Variants in CFAP77 observed in about 807,000 individuals in gnomAD.
The protein encoded by CFAP77 is cilia- and flagella-associated protein 77.
A neutral mutation model predicts 31.1 loss-of-function variants in CFAP77; 25 were observed. The ratio of observed to expected loss-of-function variants is 0.80; its 90% CI spans 0.59 to 1.12. The LOEUF is 1.12. CFAP77 is among the 50% of genes most tolerant of loss of function. CFAP77 has a pLI of 0.00. For missense variants in CFAP77, 377 were observed against 397.3 expected (o/e 0.95, Z 0.44); for synonymous variants, 151 against 159.9 (o/e 0.94, Z 0.42).
In CFAP77 at chr9:132,554,767, G is replaced by A. The variant is rs2119088078; in HGVS notation, c.732+11720G>A. ...TAGAGTTTAAGCTGAGCAAAGCAGA[G>A]ATCTTCAGGGTGCCTGAATCTTGGA... On this transcript the variant is annotated intron_variant, in intron 5 of 5. Coordinates refer to ENST00000393216, the MANE Select transcript of CFAP77 (RefSeq NM_001282957.2). The surrounding 1 kb of genome is among the most constrained non-coding windows in gnomAD (Gnocchi z 4.1). Among the ~76,000 whole-genome samples the A allele has an allele frequency of 6.6e-6, 1 of 152,306 alleles. No homozygotes were observed. The highest frequency in any genetic ancestry group is 1.9e-4 in the East Asian group (1 of 5,188).
intron 5 of CFAP77, among the ~76,000 whole-genome samples, chr9:132,568,918 T>C (rs1829921807): frequency 6.6e-6 from 1 of 152,178 alleles, no homozygotes; most frequent in Admixed American, 6.5e-5. Flanking sequence ...TAGGCTGGTC[T>C]CTAACTCCTG....
chr9:132,522,544 G>C (rs1852287117), intron 3 of CFAP77, among the ~76,000 whole-genome samples: 1 of 152,134 alleles, frequency 6.6e-6, no homozygotes, highest in African/African-American at 2.4e-5. Context: ...TTGGGGGTGG[G>C]AAAAATGCCT....
At chr9:132,487,574 T>G (rs1479088659) in intron 1 of CFAP77, among the ~76,000 whole-genome samples, 11 of 147,338 alleles carry the variant, frequency 7.5e-5, no homozygotes, top group Admixed American at 7.4e-4. Context: ...TTCCAGTATC[T>G]TTTTCAATGC....
chr9:132,487,336 C>A (rs1032651932), intron 1 of CFAP77, among the ~76,000 whole-genome samples: 1 of 152,144 alleles, frequency 6.6e-6, no homozygotes. Context: ...AATTCTCCTC[C>A]ATGACCCCTC....
At chr9:132,418,222 G>A (rs1850141929) in intron 1 of CFAP77, among the ~76,000 whole-genome samples, 3 of 152,256 alleles carry the variant, frequency 2.0e-5, no homozygotes, top group African/African-American at 2.4e-5. Context: ...ACTGGGCCAC[G>A]TCTGGAGACA....
At chr9:132,556,332 G>C (rs774842853) in intron 5 of CFAP77, among the ~76,000 whole-genome samples, 1 of 152,174 alleles carries the variant, frequency 6.6e-6, no homozygotes, top group Admixed American at 6.5e-5. Flanking sequence ...ATTTCTAAGC[G>C]GGGGTGGGCA....
intron 1 of CFAP77, among the ~76,000 whole-genome samples, chr9:132,470,201 G>A (rs1338871047): frequency 6.6e-6 from 1 of 152,170 alleles, no homozygotes; most frequent in Non-Finnish European, 1.5e-5. Flanking sequence ...AGCAATGACA[G>A]TCGCAACAGT....
intron 5 of CFAP77, among the ~76,000 whole-genome samples, chr9:132,550,263 G>T (rs573836055): frequency 3.5e-4 from 53 of 152,266 alleles, no homozygotes; most frequent in Admixed American, 6.5e-4. Context: ...AAAATATTTC[G>T]GTTTTTTGTT....
At chr9:132,441,582 C>T (rs991209754) in intron 1 of CFAP77, among the ~76,000 whole-genome samples, 18 of 152,118 alleles carry the variant, frequency 1.2e-4, no homozygotes, top group Non-Finnish European at 1.6e-4. Context: ...TTGGAGTGGA[C>T]GTATTTTCCT....
chr9:132,496,656 G>A (rs1023932714), intron 1 of CFAP77, among the ~76,000 whole-genome samples: 3 of 152,192 alleles, frequency 2.0e-5, no homozygotes, highest in African/African-American at 7.2e-5. Context: ...TGCTACCGCG[G>A]GTACAACCCT....
chr9:132,530,298 GTCTCTC>G (rs199847508), intron 3 of CFAP77, among the ~76,000 whole-genome samples: 1 of 149,054 alleles, frequency 6.7e-6, no homozygotes, highest in Non-Finnish European at 1.5e-5. Flanking sequence ...TTGAGACGGA[GTCTCTC>G]TCTCTCTGTC....
intron 1 of CFAP77, among the ~76,000 whole-genome samples, chr9:132,429,788 G>T (rs1052081567): frequency 1.3e-5 from 2 of 152,012 alleles, no homozygotes; most frequent in African/African-American, 4.8e-5. Context: ...CCCGGGAGGT[G>T]GACAGTGAGC....
chr9:132,555,716 A>G, intron 5 of CFAP77, among the ~76,000 whole-genome samples: 1 of 152,150 alleles, frequency 6.6e-6, no homozygotes. Context: ...GGAAGGGATC[A>G]GCTGACGTGC....
rs1489624229 is a variant in CFAP77, at chr9:132,446,395, T to A, written c.195+35929T>A. 2.0e-5 allele frequency among the ~76,000 whole-genome samples: 3 copies of A among 151,552 alleles called. No individual in the cohort carries two copies. The East Asian group carries it at 5.9e-4, about 30-fold the overall frequency. ...CCAGCTCGAATGAAGCCCCGATAGATCGCGTGTAGTGCTTCACTCTTCACC... is the reference window on the plus strand; with the variant it reads ...CCAGCTCGAATGAAGCCCCGATAGAACGCGTGTAGTGCTTCACTCTTCACC... On this transcript the variant is annotated intron_variant, in intron 1 of 5. Coordinates refer to ENST00000393216, the MANE Select transcript of CFAP77 (RefSeq NM_001282957.2).
At chr9:132,437,796 C>T (rs1356924923) in intron 1 of CFAP77, among the ~76,000 whole-genome samples, 1 of 149,744 alleles carries the variant, frequency 6.7e-6, no homozygotes, top group Admixed American at 6.6e-5. Context: ...CAGGTGTGAG[C>T]CACCGCGCCC....
intron 5 of CFAP77, among the ~76,000 whole-genome samples, chr9:132,570,761 C>T (rs564683479): frequency 1.3e-5 from 2 of 152,328 alleles, no homozygotes; most frequent in South Asian, 4.1e-4. Context: ...CCCCTGCCTT[C>T]TTTCACCTCA....
intron 1 of CFAP77, among the ~76,000 whole-genome samples, chr9:132,492,422 C>G (rs1365896081): frequency 1.3e-5 from 2 of 152,182 alleles, no homozygotes; most frequent in Non-Finnish European, 2.9e-5. Context: ...GAAGTCAAGG[C>G]TCACCTGTTC....
intron 3 of CFAP77, among the ~76,000 whole-genome samples, chr9:132,530,528 G>A (rs1179402008): frequency 6.6e-6 from 1 of 152,130 alleles, no homozygotes; most frequent in Non-Finnish European, 1.5e-5. Context: ...GCCCCCCTCG[G>A]CCTCCCAAAC....
chr9:132,426,205 G>A (rs993049071), intron 1 of CFAP77, among the ~76,000 whole-genome samples: 3 of 152,174 alleles, frequency 2.0e-5, no homozygotes, highest in Admixed American at 2.0e-4. Flanking sequence ...GATTTGACAA[G>A]TTCAGTATAC....
Sources: gnomAD v4.1 joint callset for allele counts (sites outside exome capture counted in the v4.1 genomes callset) on GRCh38, gnomAD v4.1.1 for gene constraint, Gnocchi (gnomAD v3.1) non-coding constraint, MANE v1.5 for transcripts, NCBI Gene and HGNC (gene_info 2026-07-23, HGNC 2026-07-21) for gene names.